Variants in AGMO observed in about 807,000 individuals in gnomAD.
AGMO encodes the protein alkylglycerol monooxygenase.
A neutral mutation model predicts 60.2 loss-of-function variants in AGMO; 75 were observed. The ratio of observed to expected loss-of-function variants is 1.25; its 90% CI spans 1.03 to 1.51. AGMO has a LOEUF of 1.51. Ranked by LOEUF, AGMO falls within the 40% of genes most tolerant of loss-of-function variation. The pLI, the probability that AGMO is intolerant of heterozygous loss-of-function variation, is 0.00. For missense variants in AGMO, 763 were observed against 525.5 expected (o/e 1.45, Z -4.42); for synonymous variants, 261 against 177.1 (o/e 1.47, Z -3.76).
intron 12 of AGMO, among the ~76,000 whole-genome samples, chr7:15,351,790 A>G (rs1313132874): frequency 6.6e-6 from 1 of 152,232 alleles, no homozygotes; most frequent in African/African-American, 2.4e-5. Flanking sequence ...GGCTAGAGAT[A>G]AAAACAGTAA....
At chr7:15,372,021 T>C (rs1487329138) in intron 10 of AGMO, among the ~76,000 whole-genome samples, 1 of 152,114 alleles carries the variant, frequency 6.6e-6, no homozygotes, top group Non-Finnish European at 1.5e-5. Context: ...TAAAAGAAAC[T>C]GAGAATATTG....
At chr7:15,297,038 T>C (rs1429984042) in intron 12 of AGMO, among the ~76,000 whole-genome samples, 1 of 149,682 alleles carries the variant, frequency 6.7e-6, no homozygotes, top group African/African-American at 2.5e-5. Context: ...TCATACCACC[T>C]AGCCATCTCT....
chr7:15,196,617 T>G (rs1292303678), downstream of AGMO, among the ~76,000 whole-genome samples: 1 of 152,218 alleles, frequency 6.6e-6, no homozygotes, highest in African/African-American at 2.4e-5. Context: ...ATAGAACCTT[T>G]GGCACGTCCT....
intron 12 of AGMO, among the ~76,000 whole-genome samples, chr7:15,209,010 C>T (rs1335904078): frequency 1.3e-5 from 2 of 152,022 alleles, no homozygotes; most frequent in African/African-American, 2.4e-5. Context: ...ATTTTAAAAC[C>T]AGAGGTTTGT....
chr7:15,409,795 T>G (rs934164775), intron 5 of AGMO, among the ~76,000 whole-genome samples: 3 of 151,862 alleles, frequency 2.0e-5, no homozygotes, highest in African/African-American at 7.2e-5. Flanking sequence ...GTGTAGTAGA[T>G]TAGAGCAAAG....
At chr7:15,169,260 A>G in the AGMO span, among the ~76,000 whole-genome samples, 11 of 151,980 alleles carry the variant, frequency 7.2e-5, no homozygotes, top group African/African-American at 2.7e-4. Context: ...TAACTACTGA[A>G]CTCTGCCGTC....
Position 15,480,528 on chromosome 7 carries a change from A to T in AGMO, c.410-49420T>A, listed in dbSNP as rs542410184. ...AATTAAGTTATAATTAAACAGCAGG[A>T]TGTCATATTTAGGGTGAGGGTTTTG... On this transcript the variant is annotated intron_variant, in intron 3 of 12. Transcript: ENST00000342526. Among the ~76,000 whole-genome samples, 7 of 152,262 alleles carry T rather than the reference A, an allele frequency of 4.6e-5. No individual in the cohort carries two copies. In the South Asian group the frequency reaches 1.4e-3, roughly 32 times the overall value.
intron 5 of AGMO, among the ~76,000 whole-genome samples, chr7:15,418,322 T>C (rs1455274456): frequency 2.0e-5 from 3 of 152,100 alleles, no homozygotes; most frequent in African/African-American, 7.2e-5. Context: ...TAAAATGTTT[T>C]GGCACTTAAT....
chr7:15,121,232 T>G, the AGMO span, among the ~76,000 whole-genome samples: 6 of 152,310 alleles, frequency 3.9e-5, no homozygotes, highest in Admixed American at 1.3e-4. Context: ...TGATGGGCAT[T>G]TGGGTTGGTT....
chr7:15,192,043 G>C, the AGMO span, among the ~76,000 whole-genome samples: 1 of 151,086 alleles, frequency 6.6e-6, no homozygotes, highest in African/African-American at 2.4e-5. Context: ...TTAATATGTT[G>C]GCAAATTTAT....
intron 3 of AGMO, among the ~76,000 whole-genome samples, chr7:15,500,474 G>C (rs1162176500): frequency 2.0e-5 from 3 of 151,744 alleles, no homozygotes; most frequent in Non-Finnish European, 4.4e-5. Context: ...TTGAAAATAA[G>C]AGTATCGATT....
At chr7:15,233,480 G>T (rs1039568645) in intron 12 of AGMO, among the ~76,000 whole-genome samples, 1 of 152,102 alleles carries the variant, frequency 6.6e-6, no homozygotes, top group Admixed American at 6.5e-5. Flanking sequence ...AATGATGTCA[G>T]AGAGTAGAGG....
At chr7:15,118,632 A>G in the AGMO span, among the ~76,000 whole-genome samples, 1 of 152,098 alleles carries the variant, frequency 6.6e-6, no homozygotes, top group East Asian at 1.9e-4. Context: ...CACTTTTCAT[A>G]GTTATGAAAC....
At chr7:15,125,024 AG>A in the AGMO span, among the ~76,000 whole-genome samples, 1 of 151,982 alleles carries the variant, frequency 6.6e-6, no homozygotes, top group South Asian at 2.1e-4. Context: ...AAAAAAGGGA[AG>A]GTTAAAACAG....
At chr7:15,281,546 T>G (rs1056685134) in intron 12 of AGMO, among the ~76,000 whole-genome samples, 1 of 151,814 alleles carries the variant, frequency 6.6e-6, no homozygotes, top group Non-Finnish European at 1.5e-5. Flanking sequence ...GGGTCAGGAG[T>G]GTGTCTAGGA....
At chr7:15,348,049 G>C (rs1050378389) in intron 12 of AGMO, among the ~76,000 whole-genome samples, 6 of 151,960 alleles carry the variant, frequency 3.9e-5, no homozygotes, top group South Asian at 2.1e-4. Context: ...TGTGACTTTT[G>C]ATCTTCCAGG....
chr7:15,154,380 T>C, the AGMO span, among the ~76,000 whole-genome samples: 9 of 152,280 alleles, frequency 5.9e-5, no homozygotes, highest in Admixed American at 2.0e-4. Flanking sequence ...AAAGGAATCA[T>C]AGATGACACA....
intron 8 of AGMO, among the ~76,000 whole-genome samples, chr7:15,390,141 C>T (rs868021081): frequency 6.6e-6 from 1 of 152,026 alleles, no homozygotes; most frequent in African/African-American, 2.4e-5. Context: ...CCATCGAGAC[C>T]AATGAACAAC....
intron 3 of AGMO, among the ~76,000 whole-genome samples, chr7:15,480,358 C>T (rs1351095870): frequency 6.6e-6 from 1 of 152,064 alleles, no homozygotes; most frequent in African/African-American, 2.4e-5. Flanking sequence ...TTGAATGTAA[C>T]TTCTACAGTT....
Sources: gnomAD v4.1 joint callset for allele counts (sites outside exome capture counted in the v4.1 genomes callset) on GRCh38, gnomAD v4.1.1 for gene constraint, MANE v1.5 for transcripts, NCBI Gene and HGNC (gene_info 2026-07-23, HGNC 2026-07-21) for gene names.